Variants in ADAMTSL1 observed in about 807,000 individuals in gnomAD.
The protein encoded by ADAMTSL1 is ADAMTS like 1.
A neutral mutation model predicts 201.8 loss-of-function variants in ADAMTSL1; 126 were observed. The observed-to-expected ratio is 0.62, with a 90% CI of 0.54 to 0.72. ADAMTSL1 has a LOEUF of 0.72. Ranked by LOEUF, ADAMTSL1 falls within the 30% of genes least tolerant of loss-of-function variation. ADAMTSL1 has a pLI of 0.00. For synonymous variants in ADAMTSL1, 1,121 were observed against 903.4 expected, an observed-to-expected ratio of 1.24 and a Z score of -4.32; for missense variants, 2,679 against 2,277.8, an observed-to-expected ratio of 1.18 and a Z score of -3.59.
intron 1 of ADAMTSL1, among the ~76,000 whole-genome samples, chr9:18,100,364 T>C (rs1005478589): frequency 6.6e-6 from 1 of 152,162 alleles, no homozygotes; most frequent in Non-Finnish European, 1.5e-5. Context: ...CATTGCAGCC[T>C]GGAACTTCCG....
At chr9:18,887,345 T>C (rs1297335361) in intron 23 of ADAMTSL1, among the ~76,000 whole-genome samples, 3 of 152,222 alleles carry the variant, frequency 2.0e-5, no homozygotes, top group Non-Finnish European at 4.4e-5. Context: ...ATTGCTTTCC[T>C]AGTCTCTGAT....
upstream of ADAMTSL1, among the ~76,000 whole-genome samples, chr9:18,469,609 G>C (rs1821129757): frequency 6.6e-6 from 1 of 152,214 alleles, no homozygotes; most frequent in Non-Finnish European, 1.5e-5. Context: ...TGGAAAAGCT[G>C]CATGAAACAG....
In ADAMTSL1 at chr9:18,824,060, G is replaced by T. The variant is rs528665667; in HGVS notation, c.3935-2224G>T. Among the ~76,000 whole-genome samples, 3 of 151,326 alleles carry T rather than the reference G, an allele frequency of 2.0e-5. No homozygotes were observed. In the South Asian group the frequency reaches 6.3e-4, roughly 32 times the overall value. On this transcript the variant is annotated intron_variant, in intron 21 of 28. Coordinates refer to ENST00000380548, the MANE Select transcript of ADAMTSL1 (RefSeq NM_001040272.6). ...ACGAAGGAAGGAAGGAAGGAAGGAA[G>T]GGGAAGGAAAAGAGGAAAAGGGTTT... is the stretch of plus-strand genomic sequence containing the variant.
upstream of ADAMTSL1, among the ~76,000 whole-genome samples, chr9:18,469,546 T>C (rs905913425): frequency 1.3e-5 from 2 of 152,226 alleles, no homozygotes; most frequent in African/African-American, 4.8e-5. Flanking sequence ...CAGAAACACA[T>C]CACCATGGGA....
At chr9:18,719,985 A>G (rs1389520888) in intron 14 of ADAMTSL1, among the ~76,000 whole-genome samples, 2 of 152,214 alleles carry the variant, frequency 1.3e-5, no homozygotes, top group Non-Finnish European at 2.9e-5. Context: ...AGACTCTACT[A>G]TAACTATATA....
At chr9:18,594,110 T>C (rs879564664) in intron 4 of ADAMTSL1, among the ~76,000 whole-genome samples, 1 of 152,148 alleles carries the variant, frequency 6.6e-6, no homozygotes, top group Admixed American at 6.5e-5. Context: ...TTCTCTTTCA[T>C]TTCTGAAGGA....
intron 2 of ADAMTSL1, among the ~76,000 whole-genome samples, chr9:18,526,759 C>T (rs1273507104): frequency 6.6e-6 from 1 of 152,138 alleles, no homozygotes; most frequent in African/African-American, 2.4e-5. Context: ...AGTATAGCTC[C>T]AGTGAGTACT....
At chr9:18,559,446 C>T (rs917179358) in intron 3 of ADAMTSL1, among the ~76,000 whole-genome samples, 1 of 152,102 alleles carries the variant, frequency 6.6e-6, no homozygotes, top group African/African-American at 2.4e-5. Flanking sequence ...AATGTGATAC[C>T]TCCAGCTTTG....
intron 1 of ADAMTSL1, among the ~76,000 whole-genome samples, chr9:18,121,149 C>G (rs115893362): frequency 6.6e-6 from 1 of 152,116 alleles, no homozygotes; most frequent in Non-Finnish European, 1.5e-5. Flanking sequence ...AAAAAGAAAT[C>G]GTTTTGAAAA....
At chr9:18,539,246 C>T (rs1819982861) in intron 3 of ADAMTSL1, among the ~76,000 whole-genome samples, 2 of 152,158 alleles carry the variant, frequency 1.3e-5, no homozygotes, top group Admixed American at 6.6e-5. Context: ...CTAGGGATAT[C>T]AGGAGTTGCC....
At chr9:18,500,386 A>C (rs552478821) in intron 1 of ADAMTSL1, among the ~76,000 whole-genome samples, 7 of 152,310 alleles carry the variant, frequency 4.6e-5, no homozygotes, top group African/African-American at 1.7e-4. Flanking sequence ...GTATTCCATA[A>C]AATTGGCATT....
intron 2 of ADAMTSL1, among the ~76,000 whole-genome samples, chr9:18,209,823 G>A (rs957149215): frequency 5.3e-5 from 8 of 152,056 alleles, no homozygotes; most frequent in Non-Finnish European, 1.2e-4. Context: ...ACTTTGGTGG[G>A]AATTGAGTAG....
At chr9:18,495,199 T>C (rs902061579) in intron 1 of ADAMTSL1, among the ~76,000 whole-genome samples, 4 of 152,164 alleles carry the variant, frequency 2.6e-5, no homozygotes, top group Non-Finnish European at 5.9e-5. Context: ...GTAAATCCTC[T>C]AAAGGTGTTG....
chr9:18,512,824 T>G lies in ADAMTSL1; in HGVS notation c.191+7868T>G, dbSNP rs188427874. ...TCAATTGTATGAATTCCTCCTTTTT[T>G]ACAGTGCTTAGCACACAGCAGACAT... On this transcript the variant is annotated intron_variant, in intron 2 of 28. Transcript: ENST00000380548. Among the ~76,000 whole-genome samples the G allele has an allele frequency of 3.6e-3, 556 of 152,348 alleles. 4 individuals are homozygous for G. The highest frequency in any genetic ancestry group is 6.3e-3 in the Admixed American group (96 of 15,306).
intron 2 of ADAMTSL1, among the ~76,000 whole-genome samples, chr9:18,363,520 G>C (rs1836622613): frequency 6.6e-6 from 1 of 152,098 alleles, no homozygotes. Flanking sequence ...TTTGTGGTTT[G>C]GTTTGTTCAT....
chr9:18,253,577 G>A (rs1018896137), intron 2 of ADAMTSL1, among the ~76,000 whole-genome samples: 4 of 152,108 alleles, frequency 2.6e-5, no homozygotes, highest in African/African-American at 4.8e-5. Context: ...ACAAAAAATT[G>A]TAAGTGACCT....
At chr9:18,563,668 C>T (rs1188027023) in intron 3 of ADAMTSL1, among the ~76,000 whole-genome samples, 1 of 152,196 alleles carries the variant, frequency 6.6e-6, no homozygotes, top group African/African-American at 2.4e-5. Context: ...GATGTGTAAG[C>T]CCCTGACTGG....
At chr9:18,464,968 CA>C in intron 2 of ADAMTSL1, among the ~76,000 whole-genome samples, 1 of 151,974 alleles carries the variant, frequency 6.6e-6, no homozygotes, top group Non-Finnish European at 1.5e-5. Context: ...CTCTCATTAT[CA>C]AAAAAATAAA....
At chr9:18,300,268 A>G (rs1833652846) in intron 2 of ADAMTSL1, among the ~76,000 whole-genome samples, 1 of 152,342 alleles carries the variant, frequency 6.6e-6, no homozygotes, top group Middle Eastern at 3.4e-3. Flanking sequence ...ACACCATGGA[A>G]TACTATGGAG....
Sources: gnomAD v4.1 joint callset for allele counts (sites outside exome capture counted in the v4.1 genomes callset) on GRCh38, gnomAD v4.1.1 for gene constraint, MANE v1.5 for transcripts, NCBI Gene and HGNC (gene_info 2026-07-23, HGNC 2026-07-21) for gene names.